The following AGPAT3 variants were observed in gnomAD, a reference collection of about 807,000 sequenced individuals.
AGPAT3 encodes the protein 1-acylglycerol-3-phosphate O-acyltransferase 3.
A neutral mutation model predicts 47.3 loss-of-function variants in AGPAT3; 5 were observed. That is an observed-to-expected ratio of 0.11 (90% CI 0.06 to 0.22). The LOEUF (loss-of-function observed/expected upper bound fraction) is 0.22, where lower values mean the gene tolerates loss of function less well. Among genes scored for constraint, AGPAT3 ranks in the 10% least tolerant of loss-of-function variants. AGPAT3 has a pLI of 1.00. For missense variants in AGPAT3, 315 were observed against 493.0 expected (o/e 0.64, Z 3.42); for synonymous variants, 212 against 208.3 (o/e 1.02, Z -0.15).
At chr21:43,931,046 A>G (rs966683910) in intron 2 of AGPAT3, among the ~76,000 whole-genome samples, 4 of 152,036 alleles carry the variant, frequency 2.6e-5, no homozygotes, top group Non-Finnish European at 5.9e-5. Context: ...TGGGTTTGCC[A>G]TTGCCTTTTC....
At chr21:43,924,767 CCT>C (rs1805283602) in intron 2 of AGPAT3, among the ~76,000 whole-genome samples, 1 of 152,210 alleles carries the variant, frequency 6.6e-6, no homozygotes, top group African/African-American at 2.4e-5. Context: ...GAAGACTCCC[CCT>C]GAGCCCCACC....
intron 1 of AGPAT3, among the ~76,000 whole-genome samples, chr21:43,868,390 G>T (rs2085554663): frequency 6.6e-6 from 1 of 152,122 alleles, no homozygotes; most frequent in Non-Finnish European, 1.5e-5. Flanking sequence ...CCTGGCTAGC[G>T]TGCCCTGTGT....
intron 2 of AGPAT3, chr21:43,946,998 C>T (rs142602445): frequency 0.014 from 2,202 of 152,480 alleles, 47 homozygotes; most frequent in African/African-American, 0.047. Context: ...CACCACTCTC[C>T]GGCCAGTGAG....
At chr21:43,895,602 AT>A (rs1337225634) in intron 1 of AGPAT3, among the ~76,000 whole-genome samples, 25 of 143,752 alleles carry the variant, frequency 1.7e-4, no homozygotes, top group African/African-American at 6.3e-4. Context: ...TTAAAAAAAA[AT>A]TTTTTTTTGA....
chr21:43,929,270 C>T (rs552712460), intron 2 of AGPAT3, among the ~76,000 whole-genome samples: 24 of 152,294 alleles, frequency 1.6e-4, no homozygotes, highest in African/African-American at 4.1e-4. Flanking sequence ...GCACAGGAGA[C>T]GGGCCTGGCT....
intron 7 of AGPAT3, among the ~76,000 whole-genome samples, chr21:43,973,708 C>T (rs1363878348): frequency 6.6e-6 from 1 of 152,256 alleles, no homozygotes; most frequent in Admixed American, 6.5e-5. Flanking sequence ...GCAGCAGTGT[C>T]CCCGCGCGCC....
chr21:43,986,690 G>C lies in AGPAT3; in HGVS notation c.*4298G>C, dbSNP rs2030333318. 6.6e-6 allele frequency among the ~76,000 whole-genome samples: 1 copy of C among 152,172 alleles called. No homozygotes were observed. Among genetic ancestry groups the C allele is most frequent in the South Asian group, 2.1e-4 (1 of 4,826 alleles). On this transcript the variant is annotated 3_prime_UTR_variant, in exon 10 of 10. Coordinates refer to ENST00000291572, the MANE Select transcript of AGPAT3 (RefSeq NM_020132.5). ...ACTGTAAAGGAAAATCTCTCTCTCT[G>C]GAGAACCCACACAAACCATTGACCT...
At position 43,985,445 on chromosome 21, in the gene AGPAT3, G is replaced by T. The variant is rs1016430264; in HGVS notation, c.*3053G>T. ...CTGTCGATGAATTTTGAGTCTCTCT[G>T]CCTTGCCTGTCCCGACTCCCTTTCG... On this transcript the variant is annotated 3_prime_UTR_variant, in exon 10 of 10. Coordinates refer to ENST00000291572, the MANE Select transcript of AGPAT3 (RefSeq NM_020132.5). The T allele has an allele frequency of 3.0e-6, 1 of 331,008 alleles. No individual in the cohort carries two copies. The highest frequency in any genetic ancestry group is 2.2e-5 in the African/African-American group (1 of 45,670). The allele number at this position is 331,008 out of a possible 1,614,324, so 20.5% of individuals were successfully genotyped here. A position where few individuals can be genotyped will look rare whatever the true frequency, so the allele number is the denominator to read the frequency against.
At position 43,985,687 on chromosome 21, in the gene AGPAT3, C is replaced by T. The variant is rs554947414; in HGVS notation, c.*3295C>T. ...TAAGTTTCTGCATGCTTTGTCTCTACCTGAGACACTTCTACAACAAGCCAA... is the reference window on the plus strand; with the variant it reads ...TAAGTTTCTGCATGCTTTGTCTCTATCTGAGACACTTCTACAACAAGCCAA... On this transcript the variant is annotated 3_prime_UTR_variant, in exon 10 of 10. Transcript: ENST00000291572. 3.6e-5 allele frequency: 7 copies of T among 197,156 alleles called. No individual in the cohort carries two copies. In the South Asian group the frequency reaches 6.0e-4, roughly 17 times the overall value. The allele number at this position is 197,156 out of a possible 1,614,324, so 12.2% of individuals were successfully genotyped here.
intron 2 of AGPAT3, among the ~76,000 whole-genome samples, chr21:43,949,136 C>G (rs977019054): frequency 1.3e-5 from 2 of 152,096 alleles, no homozygotes; most frequent in African/African-American, 4.8e-5. Context: ...ATGTCTAGTT[C>G]TGGGGCTGGG....
In AGPAT3 at chr21:43,876,802, G is replaced by A. The variant is rs115088001; in HGVS notation, c.-112+11457G>A. 5.8e-3 allele frequency among the ~76,000 whole-genome samples: 877 copies of A among 152,262 alleles called. 8 individuals are homozygous for A. The highest frequency in any genetic ancestry group is 0.02 in the African/African-American group (819 of 41,542). On this transcript the variant is annotated intron_variant, in intron 1 of 9. Coordinates refer to ENST00000291572, the MANE Select transcript of AGPAT3 (RefSeq NM_020132.5). Reference sequence around the variant, plus strand: ...GCTGGGAAGCCTCCCCACTGAGCACGTCATTATCAAATGCTTTTCACCAGT... The same window carrying A: ...GCTGGGAAGCCTCCCCACTGAGCACATCATTATCAAATGCTTTTCACCAGT...
At chr21:43,897,805 G>C (rs2086260836) in intron 1 of AGPAT3, among the ~76,000 whole-genome samples, 1 of 152,224 alleles carries the variant, frequency 6.6e-6, no homozygotes, top group African/African-American at 2.4e-5. Flanking sequence ...GGAGGTGGAG[G>C]TTGTAGCGAG....
At chr21:43,938,118 A>ACT (rs2087514180) in intron 2 of AGPAT3, among the ~76,000 whole-genome samples, 2 of 64,778 alleles carry the variant, frequency 3.1e-5, no homozygotes, top group African/African-American at 1.0e-4. Flanking sequence ...ACACACACAG[A>ACT]CACACACACA....
At chr21:43,870,143 C>T (rs556593093) in intron 1 of AGPAT3, among the ~76,000 whole-genome samples, 1 of 152,338 alleles carries the variant, frequency 6.6e-6, no homozygotes, top group South Asian at 2.1e-4. Context: ...TCCTTGGACT[C>T]CCTGCCGTGG....
At chr21:43,937,628 A>G (rs943194406) in intron 2 of AGPAT3, among the ~76,000 whole-genome samples, 1 of 152,168 alleles carries the variant, frequency 6.6e-6, no homozygotes, top group Non-Finnish European at 1.5e-5. Context: ...CAGTGGCGCA[A>G]TCGTGGCTCA....
In AGPAT3 at chr21:43,934,755, C is replaced by T. The variant is rs977720272; in HGVS notation, c.-48-24879C>T. Among the ~76,000 whole-genome samples, 4 of 152,060 alleles carry T rather than the reference C, an allele frequency of 2.6e-5. No homozygotes were observed. Among genetic ancestry groups the T allele is most frequent in the South Asian group, 2.1e-4 (1 of 4,826 alleles). On this transcript the variant is annotated intron_variant, in intron 2 of 9. Coordinates refer to ENST00000291572, the MANE Select transcript of AGPAT3 (RefSeq NM_020132.5). The surrounding 1 kb of genome is among the most constrained non-coding windows in gnomAD (Gnocchi z 4.7). ...AAAGCAAGCCACGCCATGCCACCCA[C>T]GTGCTGCCATATCACATCACGCCAC...
chr21:43,874,909 T>C (rs1454233371), intron 1 of AGPAT3, among the ~76,000 whole-genome samples: 1 of 152,232 alleles, frequency 6.6e-6, no homozygotes, highest in Non-Finnish European at 1.5e-5. Context: ...CCAAAATTAG[T>C]GGATGCTTAA....
rs1403912741 is a variant in AGPAT3, at chr21:43,922,742, G to A, written c.-49+18723G>A. Among the ~76,000 whole-genome samples the A allele has an allele frequency of 3.3e-5, 5 of 152,022 alleles. No individual in the cohort carries two copies. Among genetic ancestry groups the A allele is most frequent in the South Asian group, 2.2e-4 (1 of 4,564 alleles). Reference sequence around the variant, plus strand: ...AGCCATGTGCCAGGCAGGGCACTCCGTCAGTGTAGGGTCTCCCAGCACAGG... The same window carrying A: ...AGCCATGTGCCAGGCAGGGCACTCCATCAGTGTAGGGTCTCCCAGCACAGG... On this transcript the variant is annotated intron_variant, in intron 2 of 9. Transcript: ENST00000291572. The surrounding 1 kb of genome is among the most constrained non-coding windows in gnomAD (Gnocchi z 4.9).
intron 2 of AGPAT3, among the ~76,000 whole-genome samples, chr21:43,926,686 A>G (rs1370951842): frequency 3.1e-5 from 4 of 131,034 alleles, no homozygotes; most frequent in Non-Finnish European, 6.2e-5. Context: ...AGGGCTGGGC[A>G]TAGTGGCTGA....
Sources: allele counts gnomAD v4.1 joint callset (sites outside exome capture counted in the v4.1 genomes callset), GRCh38; gene constraint gnomAD v4.1.1; non-coding constraint Gnocchi (gnomAD v3.1); transcripts MANE v1.5; gene names NCBI Gene and HGNC (gene_info 2026-07-23, HGNC 2026-07-21).